The following DIS3L2 variants were observed in gnomAD, a reference collection of about 807,000 sequenced individuals.
DIS3L2 encodes the protein DIS3-like exonuclease 2.
In DIS3L2, 34 loss-of-function variants were observed where a neutral mutation model predicts 97.5. That is an observed-to-expected ratio of 0.35 (90% confidence interval 0.27 to 0.46). The LOEUF (loss-of-function observed/expected upper bound fraction) is 0.46. Ranked by LOEUF, DIS3L2 falls within the 20% of genes least tolerant of loss-of-function variation. DIS3L2 has a pLI of 1.00. For synonymous variants in DIS3L2, 435 were observed against 445.2 expected (o/e 0.98, Z 0.29); for missense variants, 1,038 against 1,146.0 (o/e 0.91, Z 1.36).
At chr2:232,173,782 T>G (rs1393683779) in intron 9 of DIS3L2, among the ~76,000 whole-genome samples, 1 of 152,262 alleles carries the variant, frequency 6.6e-6, no homozygotes, top group Non-Finnish European at 1.5e-5. Flanking sequence ...CTCTCAATTC[T>G]GTTCCATTGA....
At chr2:232,096,918 T>C (rs1355518071) in intron 6 of DIS3L2, among the ~76,000 whole-genome samples, 1 of 152,234 alleles carries the variant, frequency 6.6e-6, no homozygotes, top group African/African-American at 2.4e-5. Flanking sequence ...TCAGGATTGG[T>C]CCTTGGTGCC....
downstream of DIS3L2, among the ~76,000 whole-genome samples, chr2:232,342,184 T>TATACATATATACAC (rs1355955238): frequency 6.7e-6 from 1 of 148,942 alleles, no homozygotes; most frequent in Non-Finnish European, 1.5e-5. Flanking sequence ...TATATACACG[T>TATACATATATACAC]ATACATATAT....
chr2:231,982,436 C>A (rs906929401), intron 1 of DIS3L2, among the ~76,000 whole-genome samples: 2 of 152,104 alleles, frequency 1.3e-5, no homozygotes, highest in Non-Finnish European at 2.9e-5. Context: ...TCAATACTTA[C>A]GTATTTCATC....
chr2:232,230,714 G>A (rs1005663609), intron 10 of DIS3L2, among the ~76,000 whole-genome samples: 8 of 152,350 alleles, frequency 5.3e-5, no homozygotes, highest in Admixed American at 4.6e-4. Context: ...AAGTGAGAAA[G>A]TGAGTATGGT....
intron 9 of DIS3L2, among the ~76,000 whole-genome samples, chr2:232,196,940 C>T (rs1691773010): frequency 6.6e-6 from 1 of 151,980 alleles, no homozygotes; most frequent in African/African-American, 2.4e-5. Flanking sequence ...CTTAACCCTT[C>T]CCCAGTTAGC....
intron 11 of DIS3L2, among the ~76,000 whole-genome samples, chr2:232,247,799 A>G (rs939776085): frequency 1.3e-5 from 2 of 152,218 alleles, no homozygotes; most frequent in Admixed American, 6.5e-5. Flanking sequence ...CTTGACATAT[A>G]CAAGAAAATG....
chr2:232,339,941 G>C (rs2106360556), downstream of DIS3L2, among the ~76,000 whole-genome samples: 1 of 152,270 alleles, frequency 6.6e-6, no homozygotes, highest in East Asian at 1.9e-4. Flanking sequence ...GGTCAGGGGA[G>C]CTGGAGCCTG....
intron 13 of DIS3L2, among the ~76,000 whole-genome samples, chr2:232,280,207 A>G (rs13432985): frequency 0.1 from 15,267 of 152,184 alleles, 1,633 homozygotes; most frequent in African/African-American, 0.27. Flanking sequence ...AAGATTTGGG[A>G]TGGAGTTGGT....
chr2:232,290,395 C>T (rs1158806359), intron 13 of DIS3L2, among the ~76,000 whole-genome samples: 4 of 152,190 alleles, frequency 2.6e-5, no homozygotes, highest in Non-Finnish European at 5.9e-5. Flanking sequence ...GGGACGAGCT[C>T]TTCCTTGCTG....
chr2:232,208,896 C>T (rs1477392087), intron 9 of DIS3L2, among the ~76,000 whole-genome samples: 1 of 151,874 alleles, frequency 6.6e-6, no homozygotes, highest in Non-Finnish European at 1.5e-5. Flanking sequence ...AGTGTGGTGG[C>T]ATGCACCTAT....
chr2:232,196,982 C>T (rs1174743625), intron 9 of DIS3L2, among the ~76,000 whole-genome samples: 1 of 152,078 alleles, frequency 6.6e-6, no homozygotes, highest in Non-Finnish European at 1.5e-5. Flanking sequence ...CTCTTTGGAG[C>T]TCCAGGGCTG....
chr2:232,067,541 A>G (rs901920141), intron 5 of DIS3L2, among the ~76,000 whole-genome samples: 1 of 152,208 alleles, frequency 6.6e-6, no homozygotes, highest in Non-Finnish European at 1.5e-5. Flanking sequence ...ACAGAAATTC[A>G]TGTGGCTCAG....
In DIS3L2 at chr2:232,296,254, C is replaced by CT. The variant is rs555630619; in HGVS notation, c.1660-3786_1660-3785insT. ...CACTGACTTTATCTCCAGACCATCA[C>CT]CAAGTCCTGTAATGCTGGTGAGGTG... On this transcript the variant is annotated intron_variant, in intron 13 of 20. Transcript: ENST00000325385. 2.0e-5 allele frequency among the ~76,000 whole-genome samples: 3 copies of CT among 152,346 alleles called. No individual in the cohort carries two copies. In the South Asian group the frequency reaches 6.2e-4, roughly 32 times the overall value.
At chr2:231,978,562 G>T (rs1693160660) in intron 1 of DIS3L2, 3 of 152,072 alleles carry the variant, frequency 2.0e-5, no homozygotes, top group Admixed American at 1.3e-4. Context: ...TATATGTTTC[G>T]GTCTTGTGGA....
chr2:232,305,572 G>A (rs1694966060), intron 14 of DIS3L2, among the ~76,000 whole-genome samples: 1 of 152,078 alleles, frequency 6.6e-6, no homozygotes, highest in African/African-American at 2.4e-5. Flanking sequence ...TTTAGTTCTA[G>A]TTCCAAGAGT....
At chr2:231,981,612 A>ATTT (rs1349568894) in intron 1 of DIS3L2, among the ~76,000 whole-genome samples, 1 of 140,392 alleles carries the variant, frequency 7.1e-6, no homozygotes, top group African/African-American at 2.6e-5. Flanking sequence ...ATATATATAT[A>ATTT]TATATATATA....
intron 10 of DIS3L2, among the ~76,000 whole-genome samples, chr2:232,224,783 C>G (rs1017964624): frequency 2.0e-5 from 3 of 149,162 alleles, no homozygotes; most frequent in African/African-American, 7.4e-5. Flanking sequence ...GGTTGCAGTG[C>G]GTTGAGATTG....
At chr2:232,326,411 C>T (rs1389254353) in intron 14 of DIS3L2, among the ~76,000 whole-genome samples, 1 of 152,186 alleles carries the variant, frequency 6.6e-6, no homozygotes, top group African/African-American at 2.4e-5. Context: ...TGGCCTGCAC[C>T]TTTCTGTCCC....
intron 8 of DIS3L2, among the ~76,000 whole-genome samples, chr2:232,153,819 C>G (rs1690391527): frequency 6.6e-6 from 1 of 151,078 alleles, no homozygotes; most frequent in Non-Finnish European, 1.5e-5. Flanking sequence ...TCCATTCTCC[C>G]CATCACTTTC....
Sources: allele counts gnomAD v4.1 joint callset (sites outside exome capture counted in the v4.1 genomes callset), GRCh38; gene constraint gnomAD v4.1.1; transcripts MANE v1.5; gene names NCBI Gene and HGNC (gene_info 2026-07-23, HGNC 2026-07-21).